Variants in FBLN2 observed in about 807,000 individuals in gnomAD.
FBLN2 encodes the protein fibulin-2.
FBLN2 carries 81 observed loss-of-function variants against 123.7 expected under a neutral mutation model. That is an observed-to-expected ratio of 0.65 (90% CI 0.55 to 0.79). The LOEUF (loss-of-function observed/expected upper bound fraction) is 0.79, where lower values mean the gene tolerates loss of function less well. Among genes scored for constraint, FBLN2 ranks in the 30% least tolerant of loss-of-function variants. The pLI is 0.00. For synonymous variants in FBLN2, 699 were observed against 701.4 expected (o/e 1.00, Z 0.05); for missense variants, 1,603 against 1,681.3 (o/e 0.95, Z 0.81).
In FBLN2 at chr3:13,621,826, G is replaced by T. The variant is rs768164013; in HGVS notation, c.2207G>T (p.Cys736Phe). The T allele has an allele frequency of 5.6e-6, 9 of 1,613,906 alleles. No homozygotes were observed. Among genetic ancestry groups the T allele is most frequent in the Non-Finnish European group, 7.6e-6 (9 of 1,179,892 alleles). ...CACGATTGTAGCCGGCGACAGTTCT[G>T]TGTGAACACCCTGGGATCCTTCTAC... Reference protein sequence around the residue: ...GAHDCSRRQFCVNTLGSFYCV... With the variant: ...GAHDCSRRQFFVNTLGSFYCV... Residue 736 changes from cysteine to phenylalanine, a missense_variant, in exon 9 of 18, where the codon TGT (cysteine) becomes TTT (phenylalanine). Cys to Phe is a radical substitution (Grantham distance 205, BLOSUM62 -2). Coordinates refer to ENST00000404922, the MANE Select transcript of FBLN2 (RefSeq NM_001004019.2).
At chr3:13,565,007 C>G (rs767175897) in intron 1 of FBLN2, among the ~76,000 whole-genome samples, 2 of 152,176 alleles carry the variant, frequency 1.3e-5, no homozygotes, top group South Asian at 4.1e-4. Flanking sequence ...CCGGAGCCCT[C>G]CCTCCCCATC....
In FBLN2 at chr3:13,637,747, G is replaced by A. The variant is rs1216430590; in HGVS notation, c.3524G>A (p.Gly1175Asp). Residue 1175 changes from glycine to aspartate, a missense_variant, in exon 18 of 18, where the codon GGC becomes GAC. Transcript: ENST00000404922. ...AACATCATCAAGGGCAATGAGGAGG[G>A]CTACTTTGGCACGCGCAGGCTCAAT... ...ALNIIKGNEE[G>D]YFGTRRLNAY... 2.5e-6 allele frequency: 4 copies of A among 1,613,964 alleles called. No homozygotes were observed. The highest frequency in any genetic ancestry group is 3.3e-5 in the Admixed American group (2 of 60,032).
intron 16 of FBLN2, among the ~76,000 whole-genome samples, chr3:13,635,597 TG>T (rs1339806065): frequency 2.6e-5 from 4 of 152,194 alleles, no homozygotes; most frequent in Non-Finnish European, 4.4e-5. Context: ...TGCACATGTA[TG>T]TTTGCTTCTG....
intron 4 of FBLN2, among the ~76,000 whole-genome samples, chr3:13,613,564 A>G (rs1175528957): frequency 6.6e-6 from 1 of 152,164 alleles, no homozygotes; most frequent in Non-Finnish European, 1.5e-5. Flanking sequence ...AAGGAGAAAG[A>G]GGGGGAGCAA....
chr3:13,633,366 G>A (rs1575003261), intron 16 of FBLN2, among the ~76,000 whole-genome samples: 5 of 152,382 alleles, frequency 3.3e-5, no homozygotes, highest in East Asian at 1.9e-4. Context: ...CCCCCAGTGT[G>A]CCACCAGCCC....
intron 2 of FBLN2, among the ~76,000 whole-genome samples, chr3:13,601,994 A>G (rs1299447211): frequency 6.6e-6 from 1 of 152,136 alleles, no homozygotes; most frequent in South Asian, 2.1e-4. Flanking sequence ...CAGTCACACT[A>G]TGTTTCTCAG....
chr3:13,631,766 A>G (rs1304274673), intron 16 of FBLN2, among the ~76,000 whole-genome samples: 1 of 152,196 alleles, frequency 6.6e-6, no homozygotes, highest in Non-Finnish European at 1.5e-5. Context: ...CTGCCCAGTG[A>G]GGAGACGGCA....
rs1484687999 is a variant in FBLN2, at chr3:13,638,097, G to A, written c.*178G>A. ...CCCGCAGGAGGAAGTTCCACGGCAGGTGGTGCGTTCCCACGCAGGCACCAA... is the reference window on the plus strand; with the variant it reads ...CCCGCAGGAGGAAGTTCCACGGCAGATGGTGCGTTCCCACGCAGGCACCAA... On this transcript the variant is annotated 3_prime_UTR_variant, in exon 18 of 18. Transcript: ENST00000404922. 1.4e-6 allele frequency: 1 copy of A among 693,270 alleles called. No individual in the cohort carries two copies. Among genetic ancestry groups the A allele is most frequent in the African/African-American group, 1.8e-5 (1 of 54,942 alleles). 42.9% of individuals were successfully genotyped at this position (693,270 alleles called of 1,614,324 possible).
chr3:13,626,401 T>C, intron 9 of FBLN2, 44 bp from the exon 10 acceptor site: 1 of 1,521,694 alleles, frequency 6.6e-7, no homozygotes, highest in Non-Finnish European at 8.9e-7. Flanking sequence ...TCAGCCACTG[T>C]CCTGGGGACT....
chr3:13,573,598 C>T (rs1476624025), intron 2 of FBLN2, among the ~76,000 whole-genome samples: 7 of 152,134 alleles, frequency 4.6e-5, no homozygotes, highest in Non-Finnish European at 1.0e-4. Flanking sequence ...ATGCTGGGCA[C>T]TCAGAAGCCA....
At chr3:13,616,584 A>G (rs377606889) in intron 5 of FBLN2, among the ~76,000 whole-genome samples, 1 of 152,164 alleles carries the variant, frequency 6.6e-6, no homozygotes, top group Non-Finnish European at 1.5e-5. Flanking sequence ...AACACCCTCC[A>G]TATGAAACAC....
chr3:13,590,311 A>C (rs113149912), intron 2 of FBLN2, among the ~76,000 whole-genome samples: 42 of 146,020 alleles, frequency 2.9e-4, no homozygotes, highest in African/African-American at 1.0e-3. Flanking sequence ...GCCTGGCCTA[A>C]CTCTTGCCTA....
chr3:13,638,005 CT>C lies in FBLN2; in HGVS notation c.*87del. The C allele has an allele frequency of 8.0e-7, 1 of 1,249,878 alleles. No individual in the cohort carries two copies. Among genetic ancestry groups the C allele is most frequent in the Non-Finnish European group, 1.1e-6 (1 of 892,448 alleles). The allele number at this position is 1,249,878 out of a possible 1,614,324, so 77.4% of individuals were successfully genotyped here. On this transcript the variant is annotated 3_prime_UTR_variant, in exon 18 of 18. Coordinates refer to ENST00000404922, the MANE Select transcript of FBLN2 (RefSeq NM_001004019.2). ...GACTGGGTCACTATTGTGGTTTTTA[CT>C]ATAACTTTGTAAATTAACTTAATTT... is the stretch of plus-strand genomic sequence containing the variant.
chr3:13,588,223 TAC>T (rs372169554), intron 2 of FBLN2, among the ~76,000 whole-genome samples: 1 of 152,234 alleles, frequency 6.6e-6, no homozygotes, highest in African/African-American at 2.4e-5. Context: ...TAGTACTCAG[TAC>T]AGTCATGTTC....
intron 2 of FBLN2, among the ~76,000 whole-genome samples, chr3:13,585,381 G>T (rs1243712953): frequency 6.6e-6 from 1 of 152,150 alleles, no homozygotes; most frequent in African/African-American, 2.4e-5. Context: ...TATTTTAGTG[G>T]GGGGTGTGCA....
intron 8 of FBLN2, among the ~76,000 whole-genome samples, chr3:13,620,858 G>A (rs568777239): frequency 3.9e-5 from 6 of 152,320 alleles, no homozygotes; most frequent in Admixed American, 1.3e-4. Context: ...GACAAACACC[G>A]TCCTACGAGC....
At chr3:13,588,902 A>G (rs1045360191) in intron 2 of FBLN2, among the ~76,000 whole-genome samples, 1 of 151,932 alleles carries the variant, frequency 6.6e-6, no homozygotes, top group African/African-American at 2.4e-5. Flanking sequence ...AAGCAACAGA[A>G]TTAAATCATT....
chr3:13,570,779 G>A lies in FBLN2; in HGVS notation c.424G>A (p.Ala142Thr), dbSNP rs373443082. The A allele has an allele frequency of 2.9e-5, 47 of 1,598,756 alleles. No individual in the cohort carries two copies. The highest frequency in any genetic ancestry group is 2.3e-4 in the African/African-American group (17 of 74,650). ...PQCGQVGCVH[A>T]GHKYAAGHTV... ...GTGCGGCCAGGTGGGCTGCGTCCAC[G>A]CGGGCCACAAGTACGCCGCTGGCCA... Residue 142 changes from alanine (A) to threonine (T), a missense_variant, in exon 2 of 18, where the codon GCG (alanine) becomes ACG (threonine). By Grantham distance (58) the Ala-to-Thr change is moderately conservative. Transcript: ENST00000404922.
At chr3:13,625,518 C>T (rs1574995617) in intron 9 of FBLN2, among the ~76,000 whole-genome samples, 1 of 152,162 alleles carries the variant, frequency 6.6e-6, no homozygotes, top group South Asian at 2.1e-4. Context: ...CTCAAACTCT[C>T]ATGGCCAGCA....
Sources: gnomAD v4.1 joint callset for allele counts (sites outside exome capture counted in the v4.1 genomes callset) on GRCh38, gnomAD v4.1.1 for gene constraint, MANE v1.5 for transcripts, NCBI Gene and HGNC (gene_info 2026-07-23, HGNC 2026-07-21) for gene names.